TLK1: variants seen among roughly 807,000 people sequenced by gnomAD.
TLK1 encodes tousled like kinase 1.
In TLK1, 24 loss-of-function variants were observed where a neutral mutation model predicts 105.3. That is an observed-to-expected ratio of 0.23 (90% CI 0.17 to 0.32). The LOEUF is 0.32. TLK1 is among the 10% of genes least tolerant of loss of function. The pLI, the probability that TLK1 is intolerant of heterozygous loss-of-function variation, is 1.00. For synonymous variants in TLK1, 321 were observed against 310.4 expected (o/e 1.03, Z -0.36); for missense variants, 558 against 910.5 (o/e 0.61, Z 4.98).
Position 170,991,302 on chromosome 2 carries a change from C to A in TLK1, c.*2478G>T, listed in dbSNP as rs918610272. The A allele has an allele frequency of 1.3e-5, 2 of 152,078 alleles. No individual in the cohort carries two copies. The highest frequency in any genetic ancestry group is 1.5e-5 in the Non-Finnish European group (1 of 68,014). The allele number at this position is 152,078 out of a possible 1,614,324, so 9.4% of individuals were successfully genotyped here. A position where few individuals can be genotyped will look rare whatever the true frequency, so the allele number is the denominator to read the frequency against. On this transcript the variant is annotated 3_prime_UTR_variant, in exon 21 of 21. Transcript: ENST00000431350. ...GAAAACAATAAAACCCTAAAAAAAACAGTGTCAAAGACTGTCAGAGTGACC... is the reference window on the plus strand; with the variant it reads ...GAAAACAATAAAACCCTAAAAAAAAAAGTGTCAAAGACTGTCAGAGTGACC...
intron 2 of TLK1, among the ~76,000 whole-genome samples, chr2:171,096,396 A>G (rs1265113575): frequency 6.6e-6 from 1 of 152,198 alleles, no homozygotes; most frequent in Non-Finnish European, 1.5e-5. Context: ...ATTTCTATAT[A>G]CTAATGATCT....
intron 1 of TLK1, among the ~76,000 whole-genome samples, chr2:171,183,702 T>C (rs746321324): frequency 1.3e-5 from 2 of 152,238 alleles, no homozygotes; most frequent in Admixed American, 6.5e-5. Flanking sequence ...AATAGTTTAA[T>C]TGATGACCAT....
At chr2:171,145,522 G>A (rs983677094) in intron 1 of TLK1, among the ~76,000 whole-genome samples, 10 of 150,950 alleles carry the variant, frequency 6.6e-5, no homozygotes, top group African/African-American at 1.2e-4. Context: ...CCCGGGAAGC[G>A]GAGGCTGCAG....
At chr2:171,230,510 G>T (rs1693976410) in intron 1 of TLK1, among the ~76,000 whole-genome samples, 2 of 151,978 alleles carry the variant, frequency 1.3e-5, no homozygotes, top group Admixed American at 1.3e-4. Flanking sequence ...TCATCCCCCT[G>T]TCCCGACACC....
At chr2:171,001,029 CCA>C (rs1398430220) in intron 18 of TLK1, among the ~76,000 whole-genome samples, 5 of 143,626 alleles carry the variant, frequency 3.5e-5, no homozygotes, top group African/African-American at 1.2e-4. Flanking sequence ...TTTGCCATAT[CCA>C]CAGTCTCTTT....
At chr2:171,129,773 T>C (rs1452031076) in intron 1 of TLK1, among the ~76,000 whole-genome samples, 1 of 152,006 alleles carries the variant, frequency 6.6e-6, no homozygotes, top group African/African-American at 2.4e-5. Flanking sequence ...GAGGCTGTGG[T>C]AGTAAGCTGT....
intron 12 of TLK1, among the ~76,000 whole-genome samples, chr2:171,025,885 C>A (rs1310446270): frequency 5.3e-5 from 8 of 152,144 alleles, no homozygotes; most frequent in Non-Finnish European, 1.2e-4. Flanking sequence ...GGTGACATTA[C>A]TTGCTTAATT....
chr2:171,181,145 A>G (rs1181741920), intron 1 of TLK1, among the ~76,000 whole-genome samples: 2 of 152,356 alleles, frequency 1.3e-5, no homozygotes, highest in African/African-American at 2.4e-5. Flanking sequence ...ACAAAATTCA[A>G]TGTTTCTTTA....
chr2:171,131,057 C>G (rs890825226), intron 1 of TLK1, among the ~76,000 whole-genome samples: 1 of 151,526 alleles, frequency 6.6e-6, no homozygotes, highest in Non-Finnish European at 1.5e-5. Flanking sequence ...AGATAGATAC[C>G]TATATATCTT....
At chr2:171,039,820 G>T (rs1201292508) in intron 11 of TLK1, among the ~76,000 whole-genome samples, 12 of 152,178 alleles carry the variant, frequency 7.9e-5, no homozygotes. Context: ...TCCAAAGAGG[G>T]CAAAATAATT....
Position 170,991,320 on chromosome 2 carries a change from G to C in TLK1, c.*2460C>G, listed in dbSNP as rs1683772753. ...AAAAAAACAGTGTCAAAGACTGTCAGAGTGACCTTGAAATCATTTAGCAAT... is the reference window on the plus strand; with the variant it reads ...AAAAAAACAGTGTCAAAGACTGTCACAGTGACCTTGAAATCATTTAGCAAT... On this transcript the variant is annotated 3_prime_UTR_variant, in exon 21 of 21. Coordinates refer to ENST00000431350, the MANE Select transcript of TLK1 (RefSeq NM_012290.5). The C allele has an allele frequency of 6.6e-6, 1 of 152,152 alleles. No individual in the cohort carries two copies. The highest frequency in any genetic ancestry group is 1.5e-5 in the Non-Finnish European group (1 of 68,026). The allele number at this position is 152,152 out of a possible 1,614,324, so 9.4% of individuals were successfully genotyped here.
intron 2 of TLK1, among the ~76,000 whole-genome samples, chr2:171,099,342 A>G (rs763957809): frequency 5.9e-5 from 9 of 152,224 alleles, no homozygotes; most frequent in South Asian, 2.1e-4. Flanking sequence ...AAAAAACATC[A>G]TTGAAAGAAA....
chr2:171,032,766 G>A (rs1361436840), intron 11 of TLK1, among the ~76,000 whole-genome samples: 1 of 151,984 alleles, frequency 6.6e-6, no homozygotes, highest in Non-Finnish European at 1.5e-5. Context: ...CACTCAATGA[G>A]GAAAGAATAA....
intron 1 of TLK1, among the ~76,000 whole-genome samples, chr2:171,132,060 C>T (rs919699251): frequency 2.0e-5 from 3 of 152,064 alleles, no homozygotes; most frequent in Admixed American, 6.6e-5. Context: ...TGTATTCGTC[C>T]GTTCTCACAC....
Position 170,993,128 on chromosome 2 carries a change from T to TCCCTTTAATATAA in TLK1, c.*639_*651dup, listed in dbSNP as rs1465799242. 1 of 152,646 alleles carries TCCCTTTAATATAA rather than the reference T, an allele frequency of 6.6e-6. No homozygotes were observed. The highest frequency in any genetic ancestry group is 1.5e-5 in the Non-Finnish European group (1 of 68,036). The allele number at this position is 152,646 out of a possible 1,614,324, so 9.5% of individuals were successfully genotyped here. On this transcript the variant is annotated 3_prime_UTR_variant, in exon 21 of 21. Coordinates refer to ENST00000431350, the MANE Select transcript of TLK1 (RefSeq NM_012290.5). ...GTAAAGTATTTAGAAATAATAGCTC[T>TCCCTTTAATATAA]CCCTTTAATATAACCAGTGAAAGAA... is the stretch of plus-strand genomic sequence containing the variant.
At chr2:171,222,381 C>T (rs534249925) in intron 1 of TLK1, among the ~76,000 whole-genome samples, 2 of 152,200 alleles carry the variant, frequency 1.3e-5, no homozygotes, top group African/African-American at 4.8e-5. Flanking sequence ...GTTGCCGAGG[C>T]TGGAGTGGGA....
intron 2 of TLK1, among the ~76,000 whole-genome samples, chr2:171,086,245 T>C (rs1250249202): frequency 3.9e-5 from 6 of 152,084 alleles, no homozygotes; most frequent in Non-Finnish European, 7.4e-5. Flanking sequence ...CAGATAACTA[T>C]ATATAAATCC....
chr2:171,042,166 A>G (rs1478840099), intron 11 of TLK1, among the ~76,000 whole-genome samples: 1 of 152,236 alleles, frequency 6.6e-6, no homozygotes, highest in Non-Finnish European at 1.5e-5. Flanking sequence ...GCATCTTGGA[A>G]GACAACTAGT....
At chr2:171,049,318 A>G (rs1489394160) in intron 10 of TLK1, among the ~76,000 whole-genome samples, 3 of 151,976 alleles carry the variant, frequency 2.0e-5, no homozygotes, top group Admixed American at 1.3e-4. Context: ...AATAGAGTTT[A>G]CCTCAGAAAC....
Sources: allele counts gnomAD v4.1 joint callset (sites outside exome capture counted in the v4.1 genomes callset), GRCh38; gene constraint gnomAD v4.1.1; transcripts MANE v1.5; gene names NCBI Gene and HGNC (gene_info 2026-07-23, HGNC 2026-07-21).